Variants in TRHDE observed in about 807,000 individuals in gnomAD.
TRHDE encodes thyrotropin-releasing hormone-degrading ectoenzyme.
A neutral mutation model predicts 125.7 loss-of-function variants in TRHDE; 72 were observed. The ratio of observed to expected loss-of-function variants is 0.57; its 90% confidence interval spans 0.47 to 0.70. The LOEUF is 0.70. TRHDE is among the 30% of genes least tolerant of loss of function. TRHDE has a pLI of 0.00. For missense variants in TRHDE, 1,110 were observed against 1,327.1 expected (o/e 0.84, Z 2.54); for synonymous variants, 509 against 509.1 (o/e 1.00, Z 0.00).
At chr12:72,450,747 A>T (rs560165172) in intron 3 of TRHDE, among the ~76,000 whole-genome samples, 1 of 152,262 alleles carries the variant, frequency 6.6e-6, no homozygotes, top group African/African-American at 2.4e-5. Context: ...GTAATAATTT[A>T]CATTCCCATC....
chr12:72,446,849 C>T (rs1009979681), intron 3 of TRHDE, among the ~76,000 whole-genome samples: 1 of 152,104 alleles, frequency 6.6e-6, no homozygotes, highest in Non-Finnish European at 1.5e-5. Flanking sequence ...AATGCAGGAG[C>T]ACCCAGATTC....
chr12:72,593,708 C>T (rs539461301), intron 12 of TRHDE, among the ~76,000 whole-genome samples: 19 of 152,068 alleles, frequency 1.2e-4, no homozygotes, highest in Admixed American at 1.0e-3. Context: ...ATGTTCCCCA[C>T]CCTGTGTCCA....
chr12:72,340,779 T>G (rs980641846), intron 2 of TRHDE, among the ~76,000 whole-genome samples: 2 of 152,128 alleles, frequency 1.3e-5, no homozygotes, highest in African/African-American at 4.8e-5. Context: ...CCTCATATGT[T>G]CCATTGGCCA....
At chr12:72,424,549 T>C (rs562868007) in intron 3 of TRHDE, among the ~76,000 whole-genome samples, 1 of 152,180 alleles carries the variant, frequency 6.6e-6, no homozygotes, top group Non-Finnish European at 1.5e-5. Context: ...ATTTGTATTG[T>C]TTTAAGCCAC....
At chr12:72,506,306 A>G (rs945924178) in intron 6 of TRHDE, among the ~76,000 whole-genome samples, 2 of 152,006 alleles carry the variant, frequency 1.3e-5, no homozygotes, top group South Asian at 2.1e-4. Flanking sequence ...GCAAAATCCT[A>G]TTTCAAACAA....
intron 2 of TRHDE, among the ~76,000 whole-genome samples, chr12:72,187,477 C>CGTA (rs1877247558): frequency 9.6e-6 from 1 of 104,570 alleles, no homozygotes; most frequent in African/African-American, 3.9e-5. Context: ...TGGTTGTGGT[C>CGTA]GTGGTGGTGG....
chr12:72,179,189 G>A (rs1877047257), intron 2 of TRHDE, among the ~76,000 whole-genome samples: 1 of 152,094 alleles, frequency 6.6e-6, no homozygotes, highest in Admixed American at 6.6e-5. Flanking sequence ...AGGATATATC[G>A]TGAGTAAATC....
chr12:72,167,318 G>A (rs1383503624), intron 2 of TRHDE, among the ~76,000 whole-genome samples: 1 of 152,122 alleles, frequency 6.6e-6, no homozygotes, highest in East Asian at 1.9e-4. Context: ...AAACTGCAAG[G>A]AACAGAGAAT....
In TRHDE at chr12:72,286,679, A is replaced by G; in HGVS notation, c.915-2A>G. Reference sequence around the variant, plus strand: ...TTGAGAATGTCATTTTCTTTTTTCCAGATTCCTTGGTGTTACTCAGTTTTC... The same window carrying G: ...TTGAGAATGTCATTTTCTTTTTTCCGGATTCCTTGGTGTTACTCAGTTTTC... On this transcript the variant is annotated splice_acceptor_variant, in intron 1 of 18. Coordinates refer to ENST00000261180, the MANE Select transcript of TRHDE (RefSeq NM_013381.3). LOFTEE classifies it high-confidence loss of function. The G allele has an allele frequency of 6.2e-7, 1 of 1,609,232 alleles. No homozygotes were observed. The highest frequency in any genetic ancestry group is 8.5e-7 in the Non-Finnish European group (1 of 1,177,772).
chr12:72,392,695 T>A (rs1400654905), intron 3 of TRHDE, among the ~76,000 whole-genome samples: 7 of 152,232 alleles, frequency 4.6e-5, no homozygotes, highest in Non-Finnish European at 8.8e-5. Context: ...TTGGCCAGAA[T>A]TGACCCATGG....
At chr12:72,256,646 T>C (rs1878821634) in intron 2 of TRHDE, 1 of 152,176 alleles carries the variant, frequency 6.6e-6, no homozygotes, top group Non-Finnish European at 1.5e-5. Context: ...AATGAATGAA[T>C]GAATAGCAGA....
At chr12:72,231,859 G>T (rs914382296) in intron 2 of TRHDE, among the ~76,000 whole-genome samples, 3 of 152,086 alleles carry the variant, frequency 2.0e-5, no homozygotes, top group Non-Finnish European at 4.4e-5. Flanking sequence ...GAATTTTTTT[G>T]CCATAAGGAA....
At chr12:72,552,393 C>A (rs567312402) in intron 7 of TRHDE, among the ~76,000 whole-genome samples, 9 of 151,954 alleles carry the variant, frequency 5.9e-5, no homozygotes, top group African/African-American at 1.9e-4. Flanking sequence ...GAGTGGTATG[C>A]GAGATGAGGA....
chr12:72,619,992 G>T (rs931093837), intron 13 of TRHDE, among the ~76,000 whole-genome samples: 1 of 151,586 alleles, frequency 6.6e-6, no homozygotes, highest in Admixed American at 6.6e-5. Context: ...TTAAAAAATG[G>T]GAATAATTAC....
At position 72,652,543 on chromosome 12, in the gene TRHDE, C is replaced by A; in HGVS notation, c.2843+54C>A. On this transcript the variant is annotated intron_variant, in intron 16 of 18. Coordinates refer to ENST00000261180, the MANE Select transcript of TRHDE (RefSeq NM_013381.3). ...TCTCTAATGAAAGTATTCTGTTAAT[C>A]AAATTGCTCTGAAGTTGCTTTTATT... 2.1e-6 allele frequency: 3 copies of A among 1,414,478 alleles called. No homozygotes were observed. The South Asian group carries it at 4.1e-5, about 19-fold the overall frequency. The allele number at this position is 1,414,478 out of a possible 1,614,324, so 87.6% of individuals were successfully genotyped here. A position where few individuals can be genotyped will look rare whatever the true frequency, so the allele number is the denominator to read the frequency against.
intron 3 of TRHDE, among the ~76,000 whole-genome samples, chr12:72,428,507 A>C (rs1040780048): frequency 2.6e-5 from 4 of 152,234 alleles, no homozygotes; most frequent in South Asian, 2.1e-4. Context: ...AGCCTGGATT[A>C]ATTTTTTTAA....
chr12:72,472,190 T>A (rs986902916), intron 4 of TRHDE, among the ~76,000 whole-genome samples: 1 of 152,138 alleles, frequency 6.6e-6, no homozygotes, highest in African/African-American at 2.4e-5. Flanking sequence ...ATCGTCTACC[T>A]CCCCTCATCC....
chr12:72,103,470 A>G (rs1421693345), intron 1 of TRHDE, among the ~76,000 whole-genome samples: 1 of 152,132 alleles, frequency 6.6e-6, no homozygotes, highest in Admixed American at 6.6e-5. Context: ...AGTAGTCATA[A>G]AAGATACGAC....
intron 10 of TRHDE, among the ~76,000 whole-genome samples, chr12:72,570,299 G>T (rs1212759179): frequency 6.6e-6 from 1 of 152,078 alleles, no homozygotes; most frequent in African/African-American, 2.4e-5. Flanking sequence ...TAGTATCCCA[G>T]GCTGGGCGCT....
Sources: gnomAD v4.1 joint callset for allele counts (sites outside exome capture counted in the v4.1 genomes callset) on GRCh38, gnomAD v4.1.1 for gene constraint, MANE v1.5 for transcripts, NCBI Gene and HGNC (gene_info 2026-07-23, HGNC 2026-07-21) for gene names.